Variants in PAPPA observed in about 807,000 individuals in gnomAD.
PAPPA encodes the protein pappalysin 1, also known as pappalysin-1.
PAPPA carries 60 observed loss-of-function variants against 164.0 expected under a neutral mutation model. That is an observed-to-expected ratio of 0.37 (90% CI 0.30 to 0.45). PAPPA has a LOEUF of 0.45. PAPPA is among the 20% of genes least tolerant of loss of function. The pLI, the probability that PAPPA is intolerant of heterozygous loss-of-function variation, is 1.00. For missense variants in PAPPA, 1,782 were observed against 2,087.3 expected (o/e 0.85, Z 2.85); for synonymous variants, 875 against 814.1 (o/e 1.07, Z -1.27).
intron 10 of PAPPA, among the ~76,000 whole-genome samples, chr9:116,314,586 T>C (rs966517188): frequency 6.6e-6 from 1 of 152,168 alleles, no homozygotes; most frequent in African/African-American, 2.4e-5. Flanking sequence ...GCCTATAAAC[T>C]CCAAAAGTCT....
At position 116,154,238 on chromosome 9, in the gene PAPPA, C is replaced by G. The variant is rs774801576; in HGVS notation, c.66C>G (p.Ala22=). The G allele has an allele frequency of 2.1e-5, 30 of 1,411,642 alleles. No homozygotes were observed. The highest frequency in any genetic ancestry group is 2.0e-4 in the African/African-American group (13 of 66,236). 87.4% of individuals were successfully genotyped at this position (1,411,642 alleles called of 1,614,324 possible). The change falls in exon 1 of 22, where the codon GCC becomes GCG. Residue 22 remains alanine (A), a synonymous_variant. Coordinates refer to ENST00000328252, the MANE Select transcript of PAPPA (RefSeq NM_002581.5). This position sits in a 1 kb window ranked among gnomAD's most constrained non-coding sequence, Gnocchi z 5.2. ...LLSAALGCGL[A]ERPRRARRDP... ...GCGCCGCGCTGGGCTGCGGGCTGGC[C>G]GAGCGTCCCCGCCGGGCCCGGAGAG... is the stretch of plus-strand genomic sequence containing the variant.
intron 15 of PAPPA, among the ~76,000 whole-genome samples, chr9:116,351,014 GAT>G (rs1469279488): frequency 6.6e-6 from 1 of 152,150 alleles, no homozygotes; most frequent in Non-Finnish European, 1.5e-5. Context: ...GAAGGAATAA[GAT>G]AAGTGGAGGA....
intron 15 of PAPPA, among the ~76,000 whole-genome samples, chr9:116,350,469 T>C (rs986416609): frequency 8.5e-5 from 13 of 152,224 alleles, no homozygotes; most frequent in African/African-American, 2.7e-4. Context: ...TGCTAACTTC[T>C]ATTCACCCTC....
intron 1 of PAPPA, among the ~76,000 whole-genome samples, chr9:116,172,445 C>T (rs1236178107): frequency 1.3e-5 from 2 of 152,162 alleles, no homozygotes; most frequent in Non-Finnish European, 2.9e-5. Flanking sequence ...CATCCCTGGC[C>T]TCTATGTACT....
At chr9:116,262,897 A>G (rs1445786995) in intron 7 of PAPPA, among the ~76,000 whole-genome samples, 3 of 152,220 alleles carry the variant, frequency 2.0e-5, no homozygotes, top group African/African-American at 4.8e-5. Context: ...AAAGAAATCT[A>G]TTCTACCTAG....
chr9:116,250,181 T>C (rs1342310480), intron 7 of PAPPA, among the ~76,000 whole-genome samples: 1 of 152,120 alleles, frequency 6.6e-6, no homozygotes, highest in Admixed American at 6.5e-5. Context: ...AACTAATACC[T>C]ATAACGTTAC....
intron 6 of PAPPA, among the ~76,000 whole-genome samples, chr9:116,232,661 A>C (rs576935479): frequency 6.6e-6 from 1 of 152,372 alleles, no homozygotes; most frequent in African/African-American, 2.4e-5. Context: ...CAGTGCCTGC[A>C]CATTGAGGAT....
chr9:116,248,306 T>C (rs575646003), intron 7 of PAPPA, among the ~76,000 whole-genome samples: 1 of 152,326 alleles, frequency 6.6e-6, no homozygotes, highest in South Asian at 2.1e-4. Context: ...CTAGTACTGG[T>C]ATCCTGAAAT....
chr9:116,363,706 A>G, intron 18 of PAPPA, among the ~76,000 whole-genome samples: 1 of 152,174 alleles, frequency 6.6e-6, no homozygotes, highest in East Asian at 1.9e-4. Context: ...TCTGGTGTAG[A>G]AGGTTATCTG....
chr9:116,207,391 A>C, intron 2 of PAPPA, 65 bp from the exon 3 acceptor site: 1 of 993,902 alleles, frequency 1.0e-6, no homozygotes, highest in Non-Finnish European at 1.4e-6. Context: ...GCTCTAAATT[A>C]TTTGGAGAGG....
chr9:116,217,662 C>T (rs1042188070), intron 4 of PAPPA, among the ~76,000 whole-genome samples: 2 of 152,062 alleles, frequency 1.3e-5, no homozygotes, highest in Non-Finnish European at 2.9e-5. Flanking sequence ...TACACACACA[C>T]ACCACACACA....
At chr9:116,344,745 C>A (rs56187073) in intron 14 of PAPPA, 34 bp downstream of exon 14, 14 of 1,590,542 alleles carry the variant, frequency 8.8e-6, no homozygotes, top group Non-Finnish European at 1.1e-5. Flanking sequence ...AGCCTCTCTG[C>A]AGCCCAGGGA....
chr9:116,165,175 G>A (rs144612718), intron 1 of PAPPA, among the ~76,000 whole-genome samples: 45 of 152,252 alleles, frequency 3.0e-4, no homozygotes, highest in African/African-American at 1.0e-3. Flanking sequence ...ATACTTTAAA[G>A]TCTTAAGCCA....
At chr9:116,275,711 C>A (rs192476217) in intron 9 of PAPPA, among the ~76,000 whole-genome samples, 1 of 152,064 alleles carries the variant, frequency 6.6e-6, no homozygotes, top group East Asian at 1.9e-4. Flanking sequence ...TTCTCCTTCT[C>A]TTCCTCCACC....
intron 7 of PAPPA, among the ~76,000 whole-genome samples, chr9:116,262,088 G>T (rs892478024): frequency 7.2e-5 from 11 of 151,806 alleles, no homozygotes; most frequent in African/African-American, 2.7e-4. Flanking sequence ...GGTGGTGCAT[G>T]CCTGTAGTCC....
chr9:116,379,805 A>G (rs1284812620), intron 20 of PAPPA, among the ~76,000 whole-genome samples: 1 of 152,180 alleles, frequency 6.6e-6, no homozygotes, highest in East Asian at 1.9e-4. Flanking sequence ...TAGGGGTGGC[A>G]TTTTGGAGAG....
chr9:116,383,275 C>T (rs960978661), intron 21 of PAPPA, among the ~76,000 whole-genome samples: 3 of 152,138 alleles, frequency 2.0e-5, no homozygotes, highest in South Asian at 2.1e-4. Flanking sequence ...GGCTGAGAAG[C>T]GTTCTTGTGA....
At chr9:116,298,197 C>A (rs1202179155) in intron 9 of PAPPA, among the ~76,000 whole-genome samples, 1 of 152,220 alleles carries the variant, frequency 6.6e-6, no homozygotes, top group Non-Finnish European at 1.5e-5. Context: ...AACTCAGGGA[C>A]ATGGCATTTC....
intron 19 of PAPPA, among the ~76,000 whole-genome samples, chr9:116,375,158 T>C (rs1473309672): frequency 6.6e-6 from 1 of 152,252 alleles, no homozygotes; most frequent in Non-Finnish European, 1.5e-5. Flanking sequence ...CCAAATCTCA[T>C]AGTGGAAATG....
Sources: allele counts gnomAD v4.1 joint callset (sites outside exome capture counted in the v4.1 genomes callset), GRCh38; gene constraint gnomAD v4.1.1; non-coding constraint Gnocchi (gnomAD v3.1); transcripts MANE v1.5; gene names NCBI Gene and HGNC (gene_info 2026-07-23, HGNC 2026-07-21).